The following LARS2 variants were observed in gnomAD, a reference collection of about 807,000 sequenced individuals.
The protein encoded by LARS2 is leucine--tRNA ligase, mitochondrial.
In LARS2, 81 loss-of-function variants were observed where a neutral mutation model predicts 116.6. That is an observed-to-expected ratio of 0.69 (90% confidence interval 0.58 to 0.84). The LOEUF is 0.84. LARS2 is among the 40% of genes least tolerant of loss of function. The probability of loss-of-function intolerance (pLI) is 0.00; values close to 1 mark genes in which losing one functional copy is unlikely to be tolerated. For synonymous variants in LARS2, 396 were observed against 407.2 expected, an observed-to-expected ratio of 0.97 and a Z score of 0.33; for missense variants, 968 against 1,114.5, an observed-to-expected ratio of 0.87 and a Z score of 1.87.
At chr3:45,398,563 G>A (rs370023607) in intron 3 of LARS2, among the ~76,000 whole-genome samples, 100 of 152,314 alleles carry the variant, frequency 6.6e-4, no homozygotes, top group African/African-American at 2.2e-3. Context: ...CTGACCCTTA[G>A]TGACGAAACA....
intron 20 of LARS2, among the ~76,000 whole-genome samples, chr3:45,533,549 A>G (rs749269869): frequency 6.6e-6 from 1 of 152,168 alleles, no homozygotes; most frequent in Non-Finnish European, 1.5e-5. Context: ...CTCATCGCAG[A>G]ATATATATTT....
rs1012301828 is a variant in LARS2, at chr3:45,547,739, T to G, written c.*209T>G. The G allele has an allele frequency of 2.0e-6, 1 of 498,680 alleles. No individual in the cohort carries two copies. The highest frequency in any genetic ancestry group is 2.0e-5 in the African/African-American group (1 of 50,450). 30.9% of individuals were successfully genotyped at this position (498,680 alleles called of 1,614,324 possible). On this transcript the variant is annotated 3_prime_UTR_variant, in exon 22 of 22. Coordinates refer to ENST00000645846, the MANE Select transcript of LARS2 (RefSeq NM_015340.4). ...AGGTGAGCTGGGCAAAGGAGAAATA[T>G]GAGCTACTGAGGAGGGGGTTGGACA...
Position 45,504,566 on chromosome 3 carries a change from A to T in LARS2, c.1760+3987A>T, listed in dbSNP as rs139791626. ...GAAGGACACTAAAAACATTAACAGC[A>T]TTACTCCTCACATAAACAAATTTGT... On this transcript the variant is annotated intron_variant, in intron 15 of 21. Transcript: ENST00000645846. Among the ~76,000 whole-genome samples, 1,022 of 152,100 alleles carry T rather than the reference A, an allele frequency of 6.7e-3. 14 individuals are homozygous for T. Among genetic ancestry groups the T allele is most frequent in the African/African-American group, 0.023 (950 of 41,522 alleles).
At chr3:45,474,424 C>T in intron 9 of LARS2, 74 bp downstream of exon 9, 1 of 954,510 alleles carries the variant, frequency 1.0e-6, no homozygotes, top group South Asian at 1.7e-5. Context: ...CTGAGTAAAC[C>T]AGCAACTTGG....
intron 6 of LARS2, among the ~76,000 whole-genome samples, chr3:45,433,779 G>C (rs1698758795): frequency 6.6e-6 from 1 of 151,984 alleles, no homozygotes; most frequent in African/African-American, 2.4e-5. Context: ...CTTTAGAGTA[G>C]ACCTGCTTAA....
At position 45,547,737 on chromosome 3, in the gene LARS2, T is replaced by G; in HGVS notation, c.*207T>G. 2.0e-6 allele frequency: 1 copy of G among 501,698 alleles called. No homozygotes were observed. Among genetic ancestry groups the G allele is most frequent in the South Asian group, 3.0e-5 (1 of 33,586 alleles). The allele number at this position is 501,698 out of a possible 1,614,324, so 31.1% of individuals were successfully genotyped here. On this transcript the variant is annotated 3_prime_UTR_variant, in exon 22 of 22. Transcript: ENST00000645846. ...GAAGGTGAGCTGGGCAAAGGAGAAA[T>G]ATGAGCTACTGAGGAGGGGGTTGGA...
intron 5 of LARS2, 60 bp downstream of exon 5, chr3:45,417,633 A>T: frequency 8.6e-7 from 1 of 1,165,528 alleles, no homozygotes; most frequent in East Asian, 2.4e-5. Context: ...AAATTTTTTT[A>T]ACCTGTGCTT....
intron 4 of LARS2, among the ~76,000 whole-genome samples, chr3:45,416,746 T>C (rs1698428061): frequency 6.6e-6 from 1 of 152,178 alleles, no homozygotes; most frequent in Admixed American, 6.5e-5. Context: ...TATGTGTGGC[T>C]ACTGGCTACC....
At chr3:45,405,470 G>C (rs1229685864) in intron 4 of LARS2, among the ~76,000 whole-genome samples, 1 of 152,182 alleles carries the variant, frequency 6.6e-6, no homozygotes, top group Non-Finnish European at 1.5e-5. Context: ...TCTGGACTAA[G>C]TGTTCATTGT....
intron 20 of LARS2, among the ~76,000 whole-genome samples, chr3:45,531,804 C>A (rs1700619986): frequency 6.6e-6 from 1 of 152,204 alleles, no homozygotes; most frequent in African/African-American, 2.4e-5. Flanking sequence ...GCATATCCAT[C>A]ACCTCACACA....
At chr3:45,457,254 A>T (rs1185541410) in intron 7 of LARS2, among the ~76,000 whole-genome samples, 1 of 152,218 alleles carries the variant, frequency 6.6e-6, no homozygotes, top group Non-Finnish European at 1.5e-5. Context: ...GTTGAACCCA[A>T]CCGGAAGATA....
chr3:45,504,353 G>A (rs1044574134), intron 15 of LARS2, among the ~76,000 whole-genome samples: 2 of 151,966 alleles, frequency 1.3e-5, no homozygotes, highest in African/African-American at 2.4e-5. Context: ...TTACAATGAA[G>A]CACATTGAAA....
chr3:45,407,151 G>A (rs997054961), intron 4 of LARS2, among the ~76,000 whole-genome samples: 1 of 152,142 alleles, frequency 6.6e-6, no homozygotes, highest in Non-Finnish European at 1.5e-5. Flanking sequence ...AGAAAATTGA[G>A]GCTATGTGTC....
chr3:45,428,838 C>A (rs1409289856), intron 6 of LARS2, among the ~76,000 whole-genome samples: 1 of 151,964 alleles, frequency 6.6e-6, no homozygotes, highest in South Asian at 2.1e-4. Context: ...TTGCTGTATT[C>A]GCTTTATCTC....
At chr3:45,399,938 G>A (rs1394690642) in intron 3 of LARS2, among the ~76,000 whole-genome samples, 1 of 151,756 alleles carries the variant, frequency 6.6e-6, no homozygotes, top group East Asian at 1.9e-4. Flanking sequence ...ATCTCACCCA[G>A]GTCACTGCAA....
intron 9 of LARS2, among the ~76,000 whole-genome samples, chr3:45,474,556 AC>A (rs762294468): frequency 5.3e-5 from 8 of 152,216 alleles, no homozygotes; most frequent in Non-Finnish European, 8.8e-5. Flanking sequence ...ACCCATTACA[AC>A]CAAAATGATT....
chr3:45,402,379 T>C (rs758371041), intron 4 of LARS2, among the ~76,000 whole-genome samples: 3 of 152,178 alleles, frequency 2.0e-5, no homozygotes, highest in Non-Finnish European at 2.9e-5. Context: ...AAATCTGCCA[T>C]TGAGGGAGTA....
intron 7 of LARS2, among the ~76,000 whole-genome samples, chr3:45,454,947 AC>A (rs1284383093): frequency 6.6e-6 from 1 of 152,038 alleles, no homozygotes; most frequent in Non-Finnish European, 1.5e-5. Context: ...AAATTTAACC[AC>A]TTTTGGAAAG....
chr3:45,426,264 A>G (rs1214699860), intron 6 of LARS2, among the ~76,000 whole-genome samples: 1 of 152,252 alleles, frequency 6.6e-6, no homozygotes, highest in Non-Finnish European at 1.5e-5. Context: ...GCTTAAAACA[A>G]AAAGAACTTA....
Sources: allele counts gnomAD v4.1 joint callset (sites outside exome capture counted in the v4.1 genomes callset), GRCh38; gene constraint gnomAD v4.1.1; transcripts MANE v1.5; gene names NCBI Gene and HGNC (gene_info 2026-07-23, HGNC 2026-07-21).